TUBGCP3: variants seen among roughly 807,000 people sequenced by gnomAD.
TUBGCP3 encodes tubulin gamma complex component 3, also known as gamma-tubulin complex component 3.
A neutral mutation model predicts 123.1 loss-of-function variants in TUBGCP3; 50 were observed. The ratio of observed to expected loss-of-function variants is 0.41; its 90% CI spans 0.32 to 0.51. The LOEUF (loss-of-function observed/expected upper bound fraction) is 0.51, where lower values mean the gene tolerates loss of function less well. TUBGCP3 is among the 20% of genes least tolerant of loss of function. The pLI, the probability that TUBGCP3 is intolerant of heterozygous loss-of-function variation, is 0.36. For synonymous variants in TUBGCP3, 405 were observed against 413.9 expected, an observed-to-expected ratio of 0.98 and a Z score of 0.26; for missense variants, 882 against 1,127.0, an observed-to-expected ratio of 0.78 and a Z score of 3.11.
At chr13:112,502,772 C>G (rs1241818518) in intron 19 of TUBGCP3, among the ~76,000 whole-genome samples, 1 of 151,950 alleles carries the variant, frequency 6.6e-6, no homozygotes, top group African/African-American at 2.4e-5. Flanking sequence ...GTCTCAAGCT[C>G]CTAACCTCGT....
intron 3 of TUBGCP3, among the ~76,000 whole-genome samples, chr13:112,560,034 T>TGAGACACGAGAATCACTTGAACCTGGGAA (rs1345497600): frequency 1.5e-4 from 23 of 150,662 alleles, no homozygotes; most frequent in Admixed American, 2.7e-4. Context: ...CTCGGGAGGC[T>TGAGACACGAGAATCACTTGAACCTGGGAA]GAGACACGAG....
At chr13:112,532,655 G>C (rs939651649) in intron 11 of TUBGCP3, among the ~76,000 whole-genome samples, 5 of 152,210 alleles carry the variant, frequency 3.3e-5, no homozygotes, top group East Asian at 1.9e-4. Flanking sequence ...TCTCTAGATA[G>C]TAGTAACACA....
intron 11 of TUBGCP3, among the ~76,000 whole-genome samples, chr13:112,531,772 G>A (rs1447173766): frequency 6.6e-6 from 1 of 152,048 alleles, no homozygotes; most frequent in Non-Finnish European, 1.5e-5. Context: ...GCTTGGGTAC[G>A]CTTTAGAATA....
At chr13:112,525,735 A>G (rs988885493) in intron 13 of TUBGCP3, among the ~76,000 whole-genome samples, 5 of 152,208 alleles carry the variant, frequency 3.3e-5, no homozygotes, top group South Asian at 2.1e-4. Flanking sequence ...AATAAACACA[A>G]TAAGTGCAAT....
chr13:112,570,581 C>T (rs574729920), intron 1 of TUBGCP3, among the ~76,000 whole-genome samples: 8 of 152,312 alleles, frequency 5.3e-5, no homozygotes, highest in Middle Eastern at 6.8e-3. Context: ...TTCAGCAAGT[C>T]GAAATCTTTT....
At chr13:112,561,258 T>A (rs958009510) in intron 3 of TUBGCP3, among the ~76,000 whole-genome samples, 13 of 152,164 alleles carry the variant, frequency 8.5e-5, no homozygotes, top group Non-Finnish European at 1.5e-4. Flanking sequence ...GGTGAGTCCC[T>A]GCAAGCCAGC....
upstream of TUBGCP3, among the ~76,000 whole-genome samples, chr13:112,593,105 A>G (rs1173181480): frequency 6.6e-6 from 1 of 152,204 alleles, no homozygotes; most frequent in Non-Finnish European, 1.5e-5. Context: ...GCTCAAACTA[A>G]GTAGAAGGAA....
rs150117173 is a variant in TUBGCP3 at position 112,550,624 on chromosome 13, C to T, written c.967-2448G>A. Among the ~76,000 whole-genome samples the T allele has an allele frequency of 3.3e-5, 5 of 152,340 alleles. No individual in the cohort carries two copies. The East Asian group carries it at 7.7e-4, about 24-fold the overall frequency. The stretch of plus-strand genomic sequence containing the variant: ...AATAAATGCGGTAACGTAGGGCAAG[C>T]GCCTGGCACAGTGTGGGCACAAAGG... On this transcript the variant is annotated intron_variant, in intron 8 of 21. Transcript: ENST00000261965.
intron 14 of TUBGCP3, among the ~76,000 whole-genome samples, chr13:112,520,264 C>T (rs1262864846): frequency 1.3e-5 from 2 of 152,182 alleles, no homozygotes; most frequent in Non-Finnish European, 2.9e-5. Flanking sequence ...AACATTTGCT[C>T]AAGCTTGTAA....
chr13:112,555,968 G>C (rs1240269692), intron 6 of TUBGCP3, 84 bp downstream of exon 6: 1 of 1,428,136 alleles, frequency 7.0e-7, no homozygotes, highest in African/African-American at 1.4e-5. Context: ...TTGAGGTGGG[G>C]CTCCTGGGCT....
the TUBGCP3 span, among the ~76,000 whole-genome samples, chr13:112,597,797 T>A: frequency 6.6e-6 from 1 of 151,546 alleles, no homozygotes; most frequent in Admixed American, 6.6e-5. Context: ...TGAGAAAGAA[T>A]ATGAAATACA....
chr13:112,486,121 T>C lies in TUBGCP3; in HGVS notation c.2596A>G (p.Thr866Ala), dbSNP rs1419121386. 1.9e-6 allele frequency: 3 copies of C among 1,609,830 alleles called. No homozygotes were observed. The highest frequency in any genetic ancestry group is 2.5e-6 in the Non-Finnish European group (3 of 1,177,588). ...CGAAGACTCTCGTCAGAGCTGGTCG[T>C]CAGTAACACCAAAAACTGCTGCACG... ...GIVQQFLVLL[T>A]TSSDESLRFL... Residue 866 changes from threonine (T) to alanine (A), a missense_variant, in exon 22 of 22, where the codon ACG becomes GCG. By Grantham distance (58) the Thr-to-Ala change is moderately conservative. Transcript: ENST00000261965.
At chr13:112,493,875 C>T (rs114215981) in intron 20 of TUBGCP3, among the ~76,000 whole-genome samples, 2,731 of 148,482 alleles carry the variant, frequency 0.018, 83 homozygotes, top group African/African-American at 0.066. Context: ...GTGCCTGAGA[C>T]ACTCTGGCTA....
At chr13:112,588,231 CT>C, upstream of TUBGCP3, 1 of 354,306 alleles carries the variant, frequency 2.8e-6, no homozygotes, top group Non-Finnish European at 5.1e-6. Flanking sequence ...CCGGCCCTGT[CT>C]GGTGCATTCC....
At chr13:112,551,889 G>A (rs961931223) in intron 8 of TUBGCP3, among the ~76,000 whole-genome samples, 6 of 152,080 alleles carry the variant, frequency 3.9e-5, no homozygotes, top group East Asian at 1.9e-4. Context: ...GGGATGGGGG[G>A]GCAGAGTGGT....
At position 112,519,621 on chromosome 13, in the gene TUBGCP3, C is replaced by T. The variant is rs1594135643; in HGVS notation, c.1881+265G>A. Among the ~76,000 whole-genome samples, 1 of 152,206 alleles carries T rather than the reference C, an allele frequency of 6.6e-6. No individual in the cohort carries two copies. The highest frequency in any genetic ancestry group is 1.5e-5 in the Non-Finnish European group (1 of 68,044). ...CCCAGCACAGGGCAAGGGTGTCATG[C>T]GTTTTCTCCAGCTTAAGCCTAGCAG... is the stretch of plus-strand genomic sequence containing the variant. On this transcript the variant is annotated intron_variant, in intron 15 of 21. Transcript: ENST00000261965. The surrounding 1 kb of genome is among the most constrained non-coding windows in gnomAD (Gnocchi z 6.2).
At chr13:112,539,495 T>C (rs1878326789) in intron 11 of TUBGCP3, among the ~76,000 whole-genome samples, 2 of 152,234 alleles carry the variant, frequency 1.3e-5, no homozygotes, top group South Asian at 4.1e-4. Context: ...TTTAGCTCCA[T>C]CAATCACAAT....
chr13:112,587,782 C>A (rs901142232), intron 1 of TUBGCP3, 123 bp downstream of exon 1: 19 of 848,540 alleles, frequency 2.2e-5, no homozygotes, highest in Non-Finnish European at 2.9e-5. Flanking sequence ...CTCGGCCCGT[C>A]CCCCAGCCCT....
chr13:112,530,751 G>A (rs552621374), intron 11 of TUBGCP3, among the ~76,000 whole-genome samples: 3 of 152,180 alleles, frequency 2.0e-5, no homozygotes, highest in African/African-American at 7.2e-5. Context: ...ATAAAATAAT[G>A]TTCATTATTT....
Sources: gnomAD v4.1 joint callset for allele counts (sites outside exome capture counted in the v4.1 genomes callset) on GRCh38, gnomAD v4.1.1 for gene constraint, Gnocchi (gnomAD v3.1) non-coding constraint, MANE v1.5 for transcripts, NCBI Gene and HGNC (gene_info 2026-07-23, HGNC 2026-07-21) for gene names.